The following CCDC74A variants were observed in gnomAD, a reference collection of about 807,000 sequenced individuals.
CCDC74A encodes coiled-coil domain containing 74A, also known as coiled-coil domain-containing protein 74A.
A neutral mutation model predicts 37.6 loss-of-function variants in CCDC74A; 38 were observed. The observed-to-expected ratio is 1.01, with a 90% CI of 0.78 to 1.33. The LOEUF (loss-of-function observed/expected upper bound fraction) is 1.33, where lower values mean the gene tolerates loss of function less well. Ranked by LOEUF, CCDC74A falls within the 40% of genes most tolerant of loss-of-function variation. CCDC74A has a pLI of 0.00. For synonymous variants in CCDC74A, 134 were observed against 165.2 expected, an observed-to-expected ratio of 0.81 and a Z score of 1.45; for missense variants, 340 against 403.4, an observed-to-expected ratio of 0.84 and a Z score of 1.35.
chr2:131,526,007 G>T (rs1049379284), upstream of CCDC74A, among the ~76,000 whole-genome samples: 2 of 151,890 alleles, frequency 1.3e-5, no homozygotes, highest in Admixed American at 1.3e-4. Flanking sequence ...GTAGAGATGG[G>T]TTTTCACCAT....
upstream of CCDC74A, among the ~76,000 whole-genome samples, chr2:131,523,749 C>T (rs1196189917): frequency 2.0e-5 from 3 of 152,126 alleles, no homozygotes; most frequent in East Asian, 5.8e-4. Flanking sequence ...AATCAACTTC[C>T]CAGGCATGTG....
At position 131,528,040 on chromosome 2, in the gene CCDC74A, C is replaced by T. The variant is rs753237491; in HGVS notation, c.70C>T (p.Arg24Cys). ...SSPTPGSRRR[R>C]QRPSVGVQSL... Reference sequence around the variant, plus strand: ...GCCGACCCCGGGCTCTCGGCGCCGGCGCCAGCGCCCCTCTGTGGGCGTCCA... The same window carrying T: ...GCCGACCCCGGGCTCTCGGCGCCGGTGCCAGCGCCCCTCTGTGGGCGTCCA... The change falls in exon 1 of 8, where the codon CGC becomes TGC. Residue 24 changes from arginine to cysteine, a missense_variant. Physicochemically the swap from Arg to Cys is radical, Grantham distance 180 (BLOSUM62 -3). This residue lies in a region of CCDC74A where 154 missense variants were observed against 153.9 expected (regional missense o/e 1.00). Coordinates refer to ENST00000409856, the MANE Select transcript of CCDC74A (RefSeq NM_001258306.3). 1.1e-5 allele frequency: 16 copies of T among 1,519,554 alleles called. No homozygotes were observed. Among genetic ancestry groups the T allele is most frequent in the African/African-American group, 2.8e-5 (2 of 71,516 alleles). The allele number at this position is 1,519,554 out of a possible 1,614,324, so 94.1% of individuals were successfully genotyped here.
chr2:131,528,661 A>C, intron 1 of CCDC74A: 92 of 483,784 alleles, frequency 1.9e-4, no homozygotes, highest in Middle Eastern at 6.7e-4. Flanking sequence ...ATACAAAACA[A>C]TTAGCTAGGC....
chr2:131,523,431 C>G (rs1680193663), upstream of CCDC74A, among the ~76,000 whole-genome samples: 2 of 152,108 alleles, frequency 1.3e-5, no homozygotes, highest in South Asian at 4.1e-4. Flanking sequence ...AGTTTGAGAC[C>G]AGCCTGGCCA....
chr2:131,525,620 T>A (rs1215848554), upstream of CCDC74A, among the ~76,000 whole-genome samples: 5 of 152,144 alleles, frequency 3.3e-5, no homozygotes, highest in Non-Finnish European at 7.3e-5. Context: ...GGATCCCAGC[T>A]TGCTGGAAAC....
chr2:131,528,038 G>A lies in CCDC74A; in HGVS notation c.68G>A (p.Arg23Gln). The A allele has an allele frequency of 6.6e-7, 1 of 1,515,290 alleles. No homozygotes were observed. Among genetic ancestry groups the A allele is most frequent in the South Asian group, 1.3e-5 (1 of 77,544 alleles). The allele number at this position is 1,515,290 out of a possible 1,614,324, so 93.9% of individuals were successfully genotyped here. A position where few individuals can be genotyped will look rare whatever the true frequency, so the allele number is the denominator to read the frequency against. ...PSSPTPGSRR[R>Q]RQRPSVGVQS... ...TCGCCGACCCCGGGCTCTCGGCGCC[G>A]GCGCCAGCGCCCCTCTGTGGGCGTC... The change falls in exon 1 of 8, where the codon CGG becomes CAG. Residue 23 changes from arginine to glutamine, a missense_variant. Arg to Gln is a conservative substitution (Grantham distance 43). Around this residue, in one of 3 missense-constraint regions of CCDC74A, gnomAD observed 154 missense variants for 153.9 expected, o/e 1.00. Coordinates refer to ENST00000409856, the MANE Select transcript of CCDC74A (RefSeq NM_001258306.3).
At chr2:131,529,546 G>A in intron 1 of CCDC74A, 101 bp from the exon 2 acceptor site, 1 of 1,517,692 alleles carries the variant, frequency 6.6e-7, no homozygotes, top group Non-Finnish European at 9.1e-7. Context: ...TGGGGGGGCA[G>A]GACTTTTGGG....
chr2:131,531,330 C>A (rs1368575260), intron 3 of CCDC74A, among the ~76,000 whole-genome samples: 1 of 152,104 alleles, frequency 6.6e-6, no homozygotes, highest in Non-Finnish European at 1.5e-5. Context: ...GTGATGGGCC[C>A]AGGTGCTAGA....
At chr2:131,530,162 A>G in intron 2 of CCDC74A, 1 of 1,549,438 alleles carries the variant, frequency 6.5e-7, no homozygotes, top group Non-Finnish European at 8.7e-7. Flanking sequence ...ATGGGGACAA[A>G]GGGAGGAAGC....
chr2:131,525,428 G>A (rs1385453276), upstream of CCDC74A, among the ~76,000 whole-genome samples: 1 of 152,174 alleles, frequency 6.6e-6, no homozygotes, highest in Non-Finnish European at 1.5e-5. Flanking sequence ...ATATTGCCCA[G>A]GCTGGTCTCC....
intron 6 of CCDC74A, 32 bp downstream of exon 6, chr2:131,532,969 T>C: frequency 4.3e-6 from 7 of 1,613,934 alleles, no homozygotes; most frequent in Non-Finnish European, 5.9e-6. Flanking sequence ...GCCCCATCCC[T>C]GGGGTCCTAT....
rs777473723 is a variant in CCDC74A at position 131,532,788 on chromosome 2, C to A, written c.678+7C>A. ...CCTCCTGCAGACCCAAGAGGTGAGG[C>A]CCTGGGTGGTGGGGGTGGCCCTGGG... is the stretch of plus-strand genomic sequence containing the variant. On this transcript the variant is annotated splice_region_variant and intron_variant, in intron 5 of 7. Coordinates refer to ENST00000409856, the MANE Select transcript of CCDC74A (RefSeq NM_001258306.3). The A allele has an allele frequency of 1.2e-6, 2 of 1,613,288 alleles. No homozygotes were observed. The highest frequency in any genetic ancestry group is 8.5e-7 in the Non-Finnish European group (1 of 1,179,714).
At chr2:131,532,500 G>C in intron 4 of CCDC74A, 89 bp from the exon 5 acceptor site, 1 of 1,442,106 alleles carries the variant, frequency 6.9e-7, no homozygotes, top group Non-Finnish European at 9.3e-7. Context: ...TCCCCACATT[G>C]GCCTGGGCGC....
rs551939797 is a variant in CCDC74A, at chr2:131,528,533, G to A, written c.250+313G>A. On this transcript the variant is annotated intron_variant, in intron 1 of 7. Coordinates refer to ENST00000409856, the MANE Select transcript of CCDC74A (RefSeq NM_001258306.3). ...TGTTAAAAACTTTATAGAGGGGCCC[G>A]GGCGCGGCGGCTCACGCCTGTAATT... The A allele has an allele frequency of 4.3e-5, 51 of 1,199,392 alleles. 1 individual carries two copies. The South Asian group carries it at 5.9e-4, about 14-fold the overall frequency. 74.3% of individuals were successfully genotyped at this position (1,199,392 alleles called of 1,614,324 possible).
Position 131,532,681 on chromosome 2 carries a change from C to T in CCDC74A, c.578C>T (p.Pro193Leu), listed in dbSNP as rs773653436. 4.3e-5 allele frequency: 70 copies of T among 1,613,220 alleles called. 1 individual carries two copies. The highest frequency in any genetic ancestry group is 5.8e-5 in the Non-Finnish European group (69 of 1,179,632). The change falls in exon 5 of 8, where the codon CCA (proline) becomes CTA (leucine). Residue 193 changes from proline (P) to leucine (L), a missense_variant. Physicochemically the swap from Pro to Leu is moderately conservative, Grantham distance 98 (BLOSUM62 -3). Coordinates refer to ENST00000409856, the MANE Select transcript of CCDC74A (RefSeq NM_001258306.3). Reference protein sequence around the residue: ...GRQMGAGAHPPMILPLPLRKP... With the variant: ...GRQMGAGAHPLMILPLPLRKP... ...CAGATGGGGGCGGGGGCACACCCCC[C>T]AATGATCCTGCCCCTTCCCCTGCGA...
At chr2:131,525,350 C>A (rs138592440), upstream of CCDC74A, among the ~76,000 whole-genome samples, 4,236 of 152,112 alleles carry the variant, frequency 0.028, 206 homozygotes, top group African/African-American at 0.097. Context: ...TTCTCAGTAG[C>A]TGGGACTGCA....
At chr2:131,530,556 T>A (rs1681074566) in intron 2 of CCDC74A, 3 of 1,599,602 alleles carry the variant, frequency 1.9e-6, no homozygotes, top group South Asian at 1.1e-5. Context: ...GTTCCATGTG[T>A]CCCAAGCCCT....
At chr2:131,532,986 C>T in intron 6 of CCDC74A, 27 bp from the exon 7 acceptor site, 1 of 1,613,972 alleles carries the variant, frequency 6.2e-7, no homozygotes, top group Non-Finnish European at 8.5e-7. Flanking sequence ...CTATCCACAG[C>T]TCACTGCTGA....
At chr2:131,522,668 A>AATCCCATTCCCTGG in the CCDC74A span, among the ~76,000 whole-genome samples, 1 of 152,082 alleles carries the variant, frequency 6.6e-6, no homozygotes, top group Non-Finnish European at 1.5e-5. Context: ...GCCCCGAGGC[A>AATCCCATTCCCTGG]ATCCCATTCC....
Sources: gnomAD v4.1 joint callset for allele counts (sites outside exome capture counted in the v4.1 genomes callset) on GRCh38, gnomAD v4.1.1 for gene constraint, gnomAD v4.1.1 regional missense constraint, MANE v1.5 for transcripts, NCBI Gene and HGNC (gene_info 2026-07-23, HGNC 2026-07-21) for gene names.